Variants in AIRE observed in about 807,000 individuals in gnomAD.
AIRE encodes autoimmune regulator, also known as autoimmune polyendocrinopathy candidiasis ectodermal dystrophy protein.
Under a neutral mutation model 62.1 loss-of-function variants are expected in AIRE, and 52 were observed. That is an observed-to-expected ratio of 0.84 (90% CI 0.67 to 1.06). The LOEUF is 1.06. Among genes scored for constraint, AIRE ranks in the 50% least tolerant of loss-of-function variants. The pLI, the probability that AIRE is intolerant of heterozygous loss-of-function variation, is 0.00. For missense variants in AIRE, 774 were observed against 755.8 expected, an observed-to-expected ratio of 1.02 and a Z score of -0.28; for synonymous variants, 342 against 321.6, an observed-to-expected ratio of 1.06 and a Z score of -0.68.
intron 9 of AIRE, 42 bp downstream of exon 9, chr21:44,292,443 C>A: frequency 1.4e-6 from 2 of 1,386,124 alleles, no homozygotes; most frequent in Non-Finnish European, 2.0e-6. Context: ...CCCTCCTGTC[C>A]ACATGGCCAC....
rs1055311 is a variant in AIRE at position 44,289,685 on chromosome 21, C to G, written c.681C>G (p.Gly227=). The G allele has an allele frequency of 1.9e-5, 30 of 1,612,550 alleles. 1 individual carries two copies. The South Asian group carries it at 3.1e-4, about 17-fold the overall frequency. Residue 227 remains glycine (G), a synonymous_variant, in exon 6 of 14, where the codon GGC becomes GGG. Transcript: ENST00000291582. The part of the protein sequence containing the change: ...SGGSKKCIQV[G]GEFYTPSKFE... ...GCTCCAAGAAGTGCATCCAGGTTGG[C>G]GGGGAGTTCTACACTCCCAGCAAGT... is the stretch of plus-strand genomic sequence containing the variant.
rs772654896 is a variant in AIRE at position 44,293,199 on chromosome 21, G to T, written c.1278+24G>T. The T allele has an allele frequency of 2.7e-5, 41 of 1,532,538 alleles. No homozygotes were observed. In the Admixed American group the frequency reaches 3.4e-4, roughly 13 times the overall value. 94.9% of individuals were successfully genotyped at this position (1,532,538 alleles called of 1,614,324 possible). ...AGGTGAGCGGGGAGTGGGGGTCAGG[G>T]TGGGCTCTTCAAGGAGCCCAGGACC... On this transcript the variant is annotated intron_variant, in intron 10 of 13. Transcript: ENST00000291582.
At chr21:44,288,691 G>A (rs1316511714) in intron 5 of AIRE, 3 of 541,552 alleles carry the variant, frequency 5.5e-6, no homozygotes, top group Non-Finnish European at 1.0e-5. Context: ...TCCCCACCCG[G>A]GATGTACAGC....
rs763487370 is a variant in AIRE, at chr21:44,289,744, G to A, written c.740G>A (p.Arg247His). 4.3e-5 allele frequency: 69 copies of A among 1,612,674 alleles called. 1 individual carries two copies. The Admixed American group carries it at 6.7e-4, about 16-fold the overall frequency. Reference protein sequence around the residue: ...EDSGSGKNKARSSSGPKPLVR... With the variant: ...EDSGSGKNKAHSSSGPKPLVR... ...TCCGGCAGTGGGAAGAACAAGGCCCGCAGCAGCAGTGGCCCGAAGCCTCTG... is the reference window on the plus strand; with the variant it reads ...TCCGGCAGTGGGAAGAACAAGGCCCACAGCAGCAGTGGCCCGAAGCCTCTG... Residue 247 changes from arginine (R) to histidine (H), a missense_variant, in exon 6 of 14, where the codon CGC (arginine) becomes CAC (histidine). By Grantham distance (29) the Arg-to-His change is conservative. Coordinates refer to ENST00000291582, the MANE Select transcript of AIRE (RefSeq NM_000383.4).
chr21:44,288,547 C>T, intron 5 of AIRE, 89 bp downstream of exon 5: 1 of 959,910 alleles, frequency 1.0e-6, no homozygotes, highest in Admixed American at 2.0e-5. Context: ...TCCTGGTGGT[C>T]CCACAGCAGA....
chr21:44,294,374 C>T (rs577712707), intron 11 of AIRE, 27 bp from the exon 12 acceptor site: 9 of 1,506,992 alleles, frequency 6.0e-6, no homozygotes, highest in East Asian at 4.8e-5. Flanking sequence ...CCCCCCAGGG[C>T]TGGCAGCCCC....
At chr21:44,296,837 T>C (rs1601972538) in intron 13 of AIRE, among the ~76,000 whole-genome samples, 1 of 136,036 alleles carries the variant, frequency 7.4e-6, no homozygotes, top group African/African-American at 2.8e-5. Context: ...GGGGGGGGGG[T>C]CCCAGACCCC....
rs1012568605 is a variant in AIRE at position 44,297,222 on chromosome 21, C to T, written c.1567-434C>T. On this transcript the variant is annotated intron_variant, in intron 13 of 13. Coordinates refer to ENST00000291582, the MANE Select transcript of AIRE (RefSeq NM_000383.4). This position sits in a 1 kb window ranked among gnomAD's most constrained non-coding sequence, Gnocchi z 4.8. ...CGGGCTCACAGCCTCTCCCGGGTGG[C>T]GGTCTTATTCTGCTGGCATCGTGGG... Among the ~76,000 whole-genome samples, 9 of 152,188 alleles carry T rather than the reference C, an allele frequency of 5.9e-5. No individual in the cohort carries two copies. Among genetic ancestry groups the T allele is most frequent in the Non-Finnish European group, 1.3e-4 (9 of 68,008 alleles).
Position 44,287,423 on chromosome 21 carries a change from GC to G in AIRE, c.464-89del. 1 of 884,318 alleles carries G rather than the reference GC, an allele frequency of 1.1e-6. No individual in the cohort carries two copies. Among genetic ancestry groups the G allele is most frequent in the Non-Finnish European group, 1.8e-6 (1 of 546,956 alleles). The allele number at this position is 884,318 out of a possible 1,614,324, so 54.8% of individuals were successfully genotyped here. A position where few individuals can be genotyped will look rare whatever the true frequency, so the allele number is the denominator to read the frequency against. On this transcript the variant is annotated intron_variant, in intron 3 of 13. Transcript: ENST00000291582. The surrounding 1 kb of genome is among the most constrained non-coding windows in gnomAD (Gnocchi z 4.3). ...CAAAGGGACTACCCAGCACTGGACC[GC>G]CCCCTCCACGCCCTCCCACCGCGGG... is the stretch of plus-strand genomic sequence containing the variant.
Position 44,286,536 on chromosome 21 carries a change from C to A in AIRE, c.133-21C>A. 1 of 1,601,232 alleles carries A rather than the reference C, an allele frequency of 6.2e-7. No homozygotes were observed. Among genetic ancestry groups the A allele is most frequent in the Non-Finnish European group, 8.5e-7 (1 of 1,171,582 alleles). ...GGGTGTGGGGGACCATGGCAGGGAC[C>A]CTCATGCCACCCCACTGCAGGAGAC... On this transcript the variant is annotated intron_variant, in intron 1 of 13. Transcript: ENST00000291582. The surrounding 1 kb of genome is among the most constrained non-coding windows in gnomAD (Gnocchi z 6.0).
rs56146315 is a variant in AIRE, at chr21:44,286,457, C to T, written c.133-100C>T. On this transcript the variant is annotated intron_variant, in intron 1 of 13. Coordinates refer to ENST00000291582, the MANE Select transcript of AIRE (RefSeq NM_000383.4). This position sits in a 1 kb window ranked among gnomAD's most constrained non-coding sequence, Gnocchi z 6.0. ...GGCGTGGAGCTGTCCAGGTCGCCAG[C>T]GCCTCTGCCTGGGAGCTCCACCCTC... 7.3e-4 allele frequency: 983 copies of T among 1,354,564 alleles called. 7 individuals carry two copies. The East Asian group carries it at 0.015, about 21-fold the overall frequency. The allele number at this position is 1,354,564 out of a possible 1,614,324, so 83.9% of individuals were successfully genotyped here. A position where few individuals can be genotyped will look rare whatever the true frequency, so the allele number is the denominator to read the frequency against.
At chr21:44,296,575 C>T in intron 13 of AIRE, 130 bp downstream of exon 13, 4 of 870,998 alleles carry the variant, frequency 4.6e-6, no homozygotes, top group Non-Finnish European at 7.6e-6. Context: ...CTCAGGCTGT[C>T]CCTGCTCCAC....
intron 11 of AIRE, 132 bp downstream of exon 11, chr21:44,294,042 C>T: frequency 8.4e-7 from 1 of 1,196,540 alleles, no homozygotes; most frequent in Non-Finnish European, 1.2e-6. Flanking sequence ...CCACACCTTG[C>T]ACCCCACCCC....
intron 12 of AIRE, 81 bp from the exon 13 acceptor site, chr21:44,296,302 C>T (rs549943844): frequency 1.3e-5 from 16 of 1,272,066 alleles, no homozygotes; most frequent in African/African-American, 7.3e-5. Flanking sequence ...AACACCCCCG[C>T]GGCCCCTAGG....
intron 7 of AIRE, chr21:44,290,286 G>A (rs888528808): frequency 5.8e-5 from 57 of 985,332 alleles, no homozygotes; most frequent in Non-Finnish European, 6.0e-5. Context: ...GGTCTTCTCA[G>A]GCTCTTAAGA....
chr21:44,297,135 C>G lies in AIRE; in HGVS notation c.1567-521C>G, dbSNP rs1011914481. On this transcript the variant is annotated intron_variant, in intron 13 of 13. Transcript: ENST00000291582. This position sits in a 1 kb window ranked among gnomAD's most constrained non-coding sequence, Gnocchi z 4.8. ...CCTGAGAGTGGGCCAGGGGGCCCAG[C>G]GCTGGGTAATGGAGCTGCCCCTCTG... Among the ~76,000 whole-genome samples, 1 of 152,178 alleles carries G rather than the reference C, an allele frequency of 6.6e-6. No individual in the cohort carries two copies. The highest frequency in any genetic ancestry group is 1.5e-5 in the Non-Finnish European group (1 of 68,022).
intron 5 of AIRE, chr21:44,288,746 A>C: frequency 2.5e-6 from 1 of 399,836 alleles, no homozygotes; most frequent in Non-Finnish European, 4.6e-6. Flanking sequence ...CTCCTGGGCC[A>C]TGGGGTTGCA....
intron 13 of AIRE, 34 bp downstream of exon 13, chr21:44,296,479 A>G: frequency 6.3e-7 from 1 of 1,582,234 alleles, no homozygotes; most frequent in Non-Finnish European, 8.6e-7. Context: ...GTGCTCCTCC[A>G]CTCCCCCTCC....
chr21:44,296,588 A>G, intron 13 of AIRE, 143 bp downstream of exon 13: 1 of 789,208 alleles, frequency 1.3e-6, no homozygotes, highest in South Asian at 1.4e-5. Flanking sequence ...TGCTCCACCC[A>G]CCAGGAGCCC....
Sources: allele counts gnomAD v4.1 joint callset (sites outside exome capture counted in the v4.1 genomes callset), GRCh38; gene constraint gnomAD v4.1.1; non-coding constraint Gnocchi (gnomAD v3.1); transcripts MANE v1.5; gene names NCBI Gene and HGNC (gene_info 2026-07-23, HGNC 2026-07-21).